The following PLCXD3 variants were observed in gnomAD, a reference collection of about 807,000 sequenced individuals.
The protein encoded by PLCXD3 is phosphatidylinositol specific phospholipase C X domain containing 3, also known as PI-PLC X domain-containing protein 3.
In PLCXD3, 19 loss-of-function variants were observed where a neutral mutation model predicts 25.5. That is an observed-to-expected ratio of 0.75 (90% confidence interval 0.52 to 1.09). PLCXD3 has a LOEUF of 1.09. PLCXD3 is among the 50% of genes least tolerant of loss of function. The pLI, the probability that PLCXD3 is intolerant of heterozygous loss-of-function variation, is 0.00. For missense variants in PLCXD3, 411 were observed against 388.1 expected (o/e 1.06, Z -0.50); for synonymous variants, 174 against 137.6 (o/e 1.26, Z -1.85).
At chr5:41,441,530 C>T (rs1298420400) in intron 1 of PLCXD3, among the ~76,000 whole-genome samples, 1 of 152,136 alleles carries the variant, frequency 6.6e-6, no homozygotes, top group African/African-American at 2.4e-5. Flanking sequence ...AAGAAACCTC[C>T]CTCCAGGAGG....
chr5:41,403,493 C>T (rs1011617274), intron 1 of PLCXD3, among the ~76,000 whole-genome samples: 3 of 69,156 alleles, frequency 4.3e-5, no homozygotes, highest in African/African-American at 1.7e-4. Flanking sequence ...CATGCTGGTG[C>T]GCTGCACCCA....
intron 1 of PLCXD3, among the ~76,000 whole-genome samples, chr5:41,388,348 T>A (rs1219041815): frequency 1.3e-5 from 2 of 152,100 alleles, no homozygotes; most frequent in Non-Finnish European, 2.9e-5. Context: ...CACTTCTATT[T>A]TTATTTATAT....
intron 1 of PLCXD3, among the ~76,000 whole-genome samples, chr5:41,428,374 G>GTTTTTTTTTTTTTTTTTTTT (rs373244601): frequency 1.1e-5 from 1 of 91,600 alleles, no homozygotes. Context: ...GTTAAAATGA[G>GTTTTTTTTTTTTTTTTTTTT]TTTTTTTGTT....
At chr5:41,344,703 A>G (rs543405879) in intron 2 of PLCXD3, among the ~76,000 whole-genome samples, 2 of 148,636 alleles carry the variant, frequency 1.3e-5, no homozygotes, top group African/African-American at 5.1e-5. Flanking sequence ...TCCTGTTGGA[A>G]AATTTTTATT....
intron 1 of PLCXD3, among the ~76,000 whole-genome samples, chr5:41,481,554 T>C (rs1748414370): frequency 6.6e-6 from 1 of 152,200 alleles, no homozygotes; most frequent in South Asian, 2.1e-4. Flanking sequence ...ACTCAGCAAG[T>C]ACTCTCCAAC....
intron 1 of PLCXD3, among the ~76,000 whole-genome samples, chr5:41,482,971 A>C (rs1211829879): frequency 6.6e-6 from 1 of 152,144 alleles, no homozygotes; most frequent in Non-Finnish European, 1.5e-5. Context: ...TCTAGTTTCT[A>C]TTTCTTCAAA....
At chr5:41,415,672 C>T (rs564742605) in intron 1 of PLCXD3, among the ~76,000 whole-genome samples, 1 of 152,044 alleles carries the variant, frequency 6.6e-6, no homozygotes, top group East Asian at 1.9e-4. Flanking sequence ...TCAAAGTTCC[C>T]CCAAAAAAGA....
chr5:41,364,967 T>C (rs781343800), intron 2 of PLCXD3, among the ~76,000 whole-genome samples: 5 of 152,242 alleles, frequency 3.3e-5, no homozygotes, highest in Admixed American at 6.5e-5. Context: ...TAGCAAATTT[T>C]CTCAGGGAAC....
rs537193132 is a variant in PLCXD3, at chr5:41,384,719, T to C, written c.104-2185A>G. On this transcript the variant is annotated intron_variant, in intron 1 of 2. Coordinates refer to ENST00000377801, the MANE Select transcript of PLCXD3 (RefSeq NM_001005473.3). ...AAATAAAATTTTAAAGGCAAGGAAA[T>C]CACCACTTTTGAAAACACTGTGAAA... is the stretch of plus-strand genomic sequence containing the variant. Among the ~76,000 whole-genome samples the C allele has an allele frequency of 3.9e-5, 6 of 152,166 alleles. No homozygotes were observed. The South Asian group carries it at 8.3e-4, about 21-fold the overall frequency.
At chr5:41,486,555 G>A (rs1250043033) in intron 1 of PLCXD3, among the ~76,000 whole-genome samples, 1 of 152,006 alleles carries the variant, frequency 6.6e-6, no homozygotes, top group Admixed American at 6.6e-5. Flanking sequence ...TGCTTCTGGA[G>A]GCTAAGCAGA....
At chr5:41,439,826 G>C (rs1747338359) in intron 1 of PLCXD3, among the ~76,000 whole-genome samples, 1 of 151,906 alleles carries the variant, frequency 6.6e-6, no homozygotes, top group Admixed American at 6.6e-5. Context: ...CTTGATTATT[G>C]GTCACTTATC....
chr5:41,433,890 C>A (rs2150509530), intron 1 of PLCXD3, among the ~76,000 whole-genome samples: 1 of 152,288 alleles, frequency 6.6e-6, no homozygotes, highest in African/African-American at 2.4e-5. Flanking sequence ...TTTCCCCCTC[C>A]TCTAATCTTG....
intron 1 of PLCXD3, among the ~76,000 whole-genome samples, chr5:41,452,435 C>T (rs1267215591): frequency 1.3e-5 from 2 of 151,930 alleles, no homozygotes; most frequent in African/African-American, 4.8e-5. Flanking sequence ...TCCAGGGAAG[C>T]CCCTAAAATG....
chr5:41,416,519 T>C (rs1371799545), intron 1 of PLCXD3, among the ~76,000 whole-genome samples: 1 of 152,126 alleles, frequency 6.6e-6, no homozygotes, highest in African/African-American at 2.4e-5. Flanking sequence ...CAGAAGCAGA[T>C]GGGAAACCAG....
Position 41,354,331 on chromosome 5 carries a change from ATGG to A in PLCXD3, c.812+27492_812+27494del, listed in dbSNP as rs1361162049. Among the ~76,000 whole-genome samples, 7 of 152,198 alleles carry A rather than the reference ATGG, an allele frequency of 4.6e-5. No homozygotes were observed. The East Asian group carries it at 1.4e-3, about 29-fold the overall frequency. ...CTCAGAGTCTTCATATTTGAAGCAA[ATGG>A]TCATCATCCCTCCCTCAACTTGCTC... is the stretch of plus-strand genomic sequence containing the variant. On this transcript the variant is annotated intron_variant, in intron 2 of 2. Coordinates refer to ENST00000377801, the MANE Select transcript of PLCXD3 (RefSeq NM_001005473.3).
intron 2 of PLCXD3, among the ~76,000 whole-genome samples, chr5:41,369,195 G>A (rs1313945257): frequency 2.6e-5 from 4 of 152,062 alleles, no homozygotes; most frequent in African/African-American, 7.2e-5. Context: ...AAATAACCAC[G>A]TAACCCCTAA....
At chr5:41,332,835 A>G (rs1192807491) in intron 2 of PLCXD3, among the ~76,000 whole-genome samples, 2 of 152,298 alleles carry the variant, frequency 1.3e-5, no homozygotes, top group African/African-American at 2.4e-5. Context: ...TCAGTAAACT[A>G]TCGCAAGAAC....
At chr5:41,456,625 A>C in intron 1 of PLCXD3, 2 of 657,208 alleles carry the variant, frequency 3.0e-6, no homozygotes, top group Non-Finnish European at 3.8e-6. Context: ...CTGTTCCCTA[A>C]TGTGAGGGTA....
intron 2 of PLCXD3, among the ~76,000 whole-genome samples, chr5:41,362,121 A>T (rs1438886096): frequency 6.6e-6 from 1 of 152,190 alleles, no homozygotes; most frequent in African/African-American, 2.4e-5. Flanking sequence ...TTTACGTGTA[A>T]AAAGCTACTC....
Sources: gnomAD v4.1 joint callset for allele counts (sites outside exome capture counted in the v4.1 genomes callset) on GRCh38, gnomAD v4.1.1 for gene constraint, MANE v1.5 for transcripts, NCBI Gene and HGNC (gene_info 2026-07-23, HGNC 2026-07-21) for gene names.